The following ZC3H12B variants were observed in gnomAD, a reference collection of about 807,000 sequenced individuals.
ZC3H12B encodes probable ribonuclease ZC3H12B.
In ZC3H12B, 7 loss-of-function variants were observed where a neutral mutation model predicts 43.9. The observed-to-expected ratio is 0.16, with a 90% CI of 0.09 to 0.30. The LOEUF (loss-of-function observed/expected upper bound fraction) is 0.30. Ranked by LOEUF, ZC3H12B falls within the 10% of genes least tolerant of loss-of-function variation. ZC3H12B has a pLI of 1.00. For missense variants in ZC3H12B, 475 were observed against 670.2 expected, an observed-to-expected ratio of 0.71 and a Z score of 3.22; for synonymous variants, 222 against 241.7, an observed-to-expected ratio of 0.92 and a Z score of 0.76.
chrX:65,277,956 C>T, the ZC3H12B span, among the ~76,000 whole-genome samples: 6 of 110,297 alleles, frequency 5.4e-5, no homozygotes, highest in East Asian at 2.8e-4. Context: ...AATTGACAAA[C>T]GTTATTTATA....
chrX:65,215,541 A>G, the ZC3H12B span, among the ~76,000 whole-genome samples: 10 of 110,808 alleles, frequency 9.0e-5, no homozygotes, highest in Non-Finnish European at 1.7e-4. Context: ...AGAGAGTTGC[A>G]GCCTTGCCCT....
chrX:65,099,612 T>A, the ZC3H12B span, among the ~76,000 whole-genome samples: 2 of 111,286 alleles, frequency 1.8e-5, no homozygotes, highest in Admixed American at 1.9e-4. Flanking sequence ...TCCAGCATAC[T>A]GCAGCAGAAC....
intron 3 of ZC3H12B, among the ~76,000 whole-genome samples, chrX:65,458,925 G>A (rs1291352722): frequency 4.5e-5 from 5 of 111,027 alleles, no homozygotes; most frequent in Non-Finnish European, 9.4e-5. Context: ...CCAGGAGCTG[G>A]TTTTTTGAAA....
At chrX:65,505,890 ATTC>A (rs2068420632) in exon 5 of ZC3H12B, 1 of 113,031 alleles carries the variant, frequency 8.8e-6, no homozygotes, top group Non-Finnish European at 1.9e-5. Flanking sequence ...TTCTCCTCTC[ATTC>A]TTCTTTTTGG....
chrX:65,094,604 T>C, the ZC3H12B span, among the ~76,000 whole-genome samples: 31 of 112,197 alleles, frequency 2.8e-4, no homozygotes, highest in Non-Finnish European at 5.6e-4. Context: ...AAAAAACAAC[T>C]GTATCTGAGC....
intron 2 of ZC3H12B, among the ~76,000 whole-genome samples, chrX:65,397,229 A>G (rs982984774): frequency 5.4e-5 from 6 of 111,725 alleles, no homozygotes; most frequent in African/African-American, 2.0e-4. Flanking sequence ...TGTGAACTTG[A>G]TCCTGTCATC....
the ZC3H12B span, among the ~76,000 whole-genome samples, chrX:65,209,755 A>G: frequency 9.4e-6 from 1 of 106,642 alleles, no homozygotes; most frequent in African/African-American, 3.5e-5. Context: ...GCCCTCAGAA[A>G]TAATGCCACA....
At chrX:65,275,285 G>A in the ZC3H12B span, among the ~76,000 whole-genome samples, 2 of 112,604 alleles carry the variant, frequency 1.8e-5, no homozygotes, top group African/African-American at 6.4e-5. Context: ...GCCACCACTG[G>A]CCTATAAGCC....
chrX:65,040,370 CTGTTT>C, the ZC3H12B span, among the ~76,000 whole-genome samples: 143 of 99,987 alleles, frequency 1.4e-3, no homozygotes, highest in African/African-American at 5.3e-3. Context: ...CTATCATTAA[CTGTTT>C]TTTTTTTTTT....
At chrX:65,051,996 G>A in the ZC3H12B span, among the ~76,000 whole-genome samples, 1 of 110,620 alleles carries the variant, frequency 9.0e-6, no homozygotes, top group Non-Finnish European at 1.9e-5. Flanking sequence ...TTTCATAATA[G>A]TGATGTTATC....
chrX:65,144,387 T>A, the ZC3H12B span, among the ~76,000 whole-genome samples: 1 of 112,401 alleles, frequency 8.9e-6, no homozygotes, highest in Non-Finnish European at 1.9e-5. Context: ...ATCTTGCTAA[T>A]GGTCTACCAA....
At chrX:65,244,727 C>CAA in the ZC3H12B span, among the ~76,000 whole-genome samples, 2,680 of 19,475 alleles carry the variant, frequency 0.14, 626 homozygotes, top group African/African-American at 0.45. Context: ...AATACCTTGC[C>CAA]AAAAAAAAAA....
At chrX:65,077,164 G>A in the ZC3H12B span, among the ~76,000 whole-genome samples, 4 of 111,198 alleles carry the variant, frequency 3.6e-5, no homozygotes, top group Admixed American at 1.9e-4. Flanking sequence ...TCTTTCTGAT[G>A]GTGCTGCAGC....
the ZC3H12B span, chrX:65,185,860 A>G: frequency 9.0e-6 from 1 of 111,701 alleles, no homozygotes; most frequent in African/African-American, 3.2e-5. Flanking sequence ...TAAAGCTCAT[A>G]TAGCTTATTT....
chrX:65,169,123 G>A, the ZC3H12B span, among the ~76,000 whole-genome samples: 2 of 111,408 alleles, frequency 1.8e-5, no homozygotes, highest in African/African-American at 6.5e-5. Flanking sequence ...TAATTGTGAT[G>A]TTAGGGTGTC....
At chrX:65,291,098 G>A in the ZC3H12B span, among the ~76,000 whole-genome samples, 5 of 110,750 alleles carry the variant, frequency 4.5e-5, no homozygotes, top group Non-Finnish European at 9.5e-5. Flanking sequence ...AACAAAATGA[G>A]ATATCACTTC....
At chrX:65,232,548 G>A in the ZC3H12B span, among the ~76,000 whole-genome samples, 1 of 111,562 alleles carries the variant, frequency 9.0e-6, no homozygotes, top group African/African-American at 3.3e-5. Context: ...TGCTTATAAC[G>A]TGTTATTTGC....
chrX:65,249,051 G>A, the ZC3H12B span, among the ~76,000 whole-genome samples: 1 of 111,412 alleles, frequency 9.0e-6, no homozygotes, highest in Non-Finnish European at 1.9e-5. Context: ...TCTGCTGACT[G>A]TTCCTTTTGC....
intron 3 of ZC3H12B, among the ~76,000 whole-genome samples, chrX:65,466,681 C>T (rs2067821319): frequency 9.5e-6 from 1 of 105,595 alleles, no homozygotes; most frequent in Admixed American, 1.1e-4. Flanking sequence ...TTCCATTTCT[C>T]CCAACAGTAT....
Sources: allele counts gnomAD v4.1 joint callset (sites outside exome capture counted in the v4.1 genomes callset), GRCh38; gene constraint gnomAD v4.1.1; transcripts MANE v1.5; gene names NCBI Gene and HGNC (gene_info 2026-07-23, HGNC 2026-07-21).